SHB: variants seen among roughly 807,000 people sequenced by gnomAD.
The protein encoded by SHB is SH2 domain-containing adapter protein B.
SHB carries 20 observed loss-of-function variants against 52.3 expected under a neutral mutation model. The ratio of observed to expected loss-of-function variants is 0.38; its 90% CI spans 0.27 to 0.56. The LOEUF is 0.56. SHB is among the 20% of genes least tolerant of loss of function. SHB has a pLI of 0.71. For synonymous variants in SHB, 397 were observed against 316.5 expected (o/e 1.25, Z -2.70); for missense variants, 825 against 723.3 (o/e 1.14, Z -1.61).
At chr9:38,006,763 G>A (rs1479927161) in intron 2 of SHB, among the ~76,000 whole-genome samples, 2 of 152,202 alleles carry the variant, frequency 1.3e-5, no homozygotes, top group Non-Finnish European at 2.9e-5. Context: ...AGCAGCACGG[G>A]GAAAACCAAT....
intron 4 of SHB, among the ~76,000 whole-genome samples, chr9:37,952,393 G>C (rs1587208867): frequency 6.6e-6 from 1 of 152,248 alleles, no homozygotes; most frequent in Non-Finnish European, 1.5e-5. Context: ...GAATGCGCTT[G>C]CAGTGCTCAC....
At chr9:37,930,094 C>A (rs1011653514) in intron 5 of SHB, among the ~76,000 whole-genome samples, 1 of 152,050 alleles carries the variant, frequency 6.6e-6, no homozygotes, top group Admixed American at 6.6e-5. Flanking sequence ...AGAGTGAGAC[C>A]CTGTCTCAAA....
chr9:37,984,287 A>G (rs183093464), intron 2 of SHB, among the ~76,000 whole-genome samples: 124 of 152,270 alleles, frequency 8.1e-4, no homozygotes, highest in African/African-American at 2.9e-3. Flanking sequence ...TGCACTGGGA[A>G]CGGGAGGGTC....
chr9:37,936,627 C>A (rs967065349), intron 5 of SHB: 1 of 152,204 alleles, frequency 6.6e-6, no homozygotes, highest in Non-Finnish European at 1.5e-5. Flanking sequence ...CACACTACAA[C>A]CCTGAGGGTC....
At chr9:37,925,886 C>G (rs1262937157) in intron 5 of SHB, among the ~76,000 whole-genome samples, 3 of 152,176 alleles carry the variant, frequency 2.0e-5, no homozygotes, top group South Asian at 2.1e-4. Flanking sequence ...CCAGATAATT[C>G]TCAGGTGAGG....
chr9:38,053,466 T>C (rs1178987343), intron 1 of SHB, among the ~76,000 whole-genome samples: 1 of 152,146 alleles, frequency 6.6e-6, no homozygotes, highest in Non-Finnish European at 1.5e-5. Context: ...CTACATCTCC[T>C]GACCTCGTGA....
At chr9:37,996,060 G>T (rs891257627) in intron 2 of SHB, among the ~76,000 whole-genome samples, 1 of 152,222 alleles carries the variant, frequency 6.6e-6, no homozygotes, top group Non-Finnish European at 1.5e-5. Flanking sequence ...GCTTTGTAGA[G>T]ATTTTTCTAT....
intron 1 of SHB, among the ~76,000 whole-genome samples, chr9:38,061,668 G>A (rs1032233513): frequency 1.3e-5 from 2 of 152,186 alleles, no homozygotes; most frequent in Non-Finnish European, 2.9e-5. Context: ...TCAAGTCATG[G>A]GGGTTAAGCC....
At chr9:37,938,838 TGGCAGAGTGA>T in intron 5 of SHB, among the ~76,000 whole-genome samples, 1 of 152,286 alleles carries the variant, frequency 6.6e-6, no homozygotes, top group African/African-American at 2.4e-5. Flanking sequence ...GGCCGTGAAC[TGGCAGAGTGA>T]GGCAGAATGA....
In SHB at chr9:38,016,095, C is replaced by A. The variant is rs749696912; in HGVS notation, c.754G>T (p.Ala252Ser). 1.4e-5 allele frequency: 23 copies of A among 1,613,986 alleles called. No homozygotes were observed. In the East Asian group the frequency reaches 4.9e-4, roughly 34 times the overall value. The change falls in exon 2 of 6, where the codon GCC (alanine) becomes TCC (serine). Residue 252 changes from alanine to serine, a missense_variant. Transcript: ENST00000377707. ...GCTTTGCTCTTGAGATCATTCTTGG[C>A]ATCAAAGGGATCTGAGTAGTCATCG... ...IADDYSDPFD[A>S]KNDLKSKAGK...
chr9:37,966,468 C>T (rs1820526597), intron 3 of SHB, among the ~76,000 whole-genome samples: 1 of 152,038 alleles, frequency 6.6e-6, no homozygotes, highest in South Asian at 2.1e-4. Context: ...AAAACCTGTC[C>T]CTCAGTAATA....
intron 1 of SHB, among the ~76,000 whole-genome samples, chr9:38,044,267 G>T (rs1465495687): frequency 6.6e-6 from 1 of 152,218 alleles, no homozygotes; most frequent in Non-Finnish European, 1.5e-5. Context: ...ACCTGTCCTG[G>T]AGTCCCACTG....
At chr9:38,006,374 C>A (rs929731325) in intron 2 of SHB, among the ~76,000 whole-genome samples, 1 of 152,190 alleles carries the variant, frequency 6.6e-6, no homozygotes, top group Non-Finnish European at 1.5e-5. Flanking sequence ...TGTGGGTTTC[C>A]GCAAGGTTTC....
intron 1 of SHB, among the ~76,000 whole-genome samples, chr9:38,047,557 C>T (rs914970449): frequency 2.6e-5 from 4 of 152,266 alleles, no homozygotes; most frequent in Non-Finnish European, 5.9e-5. Context: ...ATTCCTACCC[C>T]TCTTGGCTAA....
chr9:37,942,370 G>A (rs1832444588), intron 5 of SHB, among the ~76,000 whole-genome samples: 1 of 152,216 alleles, frequency 6.6e-6, no homozygotes. Context: ...AGAGGAAAGT[G>A]GTCTAGTCAT....
chr9:37,991,575 T>C (rs1375035566), intron 2 of SHB, among the ~76,000 whole-genome samples: 1 of 152,162 alleles, frequency 6.6e-6, no homozygotes, highest in Non-Finnish European at 1.5e-5. Flanking sequence ...ACTCGATTAT[T>C]AAAGAACCAT....
At chr9:38,008,457 C>T (rs147421601) in intron 2 of SHB, among the ~76,000 whole-genome samples, 119 of 152,376 alleles carry the variant, frequency 7.8e-4, no homozygotes, top group African/African-American at 2.8e-3. Flanking sequence ...GTAGGTAAGT[C>T]ATTCTGGCAA....
chr9:38,067,409 A>AGGGCAGGGCC (rs1352547487), intron 1 of SHB, among the ~76,000 whole-genome samples: 1 of 151,926 alleles, frequency 6.6e-6, no homozygotes, highest in East Asian at 1.9e-4. Flanking sequence ...GGGGTGGGGC[A>AGGGCAGGGCC]GGGCAGGGCC....
chr9:37,938,226 A>G (rs939740781), intron 5 of SHB, among the ~76,000 whole-genome samples: 13 of 152,160 alleles, frequency 8.5e-5, no homozygotes, highest in African/African-American at 3.1e-4. Context: ...AGAGGCTGAG[A>G]CGGGAAGTGA....
Sources: allele counts gnomAD v4.1 joint callset (sites outside exome capture counted in the v4.1 genomes callset), GRCh38; gene constraint gnomAD v4.1.1; transcripts MANE v1.5; gene names NCBI Gene and HGNC (gene_info 2026-07-23, HGNC 2026-07-21).